The following SGCD variants were observed in gnomAD, a reference collection of about 807,000 sequenced individuals.
SGCD encodes sarcoglycan delta.
SGCD carries 18 observed loss-of-function variants against 36.6 expected under a neutral mutation model. That is an observed-to-expected ratio of 0.49 (90% CI 0.34 to 0.73). The LOEUF is 0.73. SGCD is among the 30% of genes least tolerant of loss of function. The pLI is 0.01. For missense variants in SGCD, 387 were observed against 346.7 expected (o/e 1.12, Z -0.92); for synonymous variants, 133 against 130.6 (o/e 1.02, Z -0.12).
At chr5:156,185,289 A>C (rs185135706) in intron 3 of SGCD, among the ~76,000 whole-genome samples, 80 of 142,302 alleles carry the variant, frequency 5.6e-4, no homozygotes, top group Middle Eastern at 7.6e-3. Flanking sequence ...ATCTCGGCTC[A>C]CTGTAAGCTC....
intron 3 of SGCD, among the ~76,000 whole-genome samples, chr5:156,150,833 T>G (rs1190385515): frequency 6.6e-6 from 1 of 151,622 alleles, no homozygotes; most frequent in African/African-American, 2.4e-5. Context: ...TCCTCAAAGC[T>G]GCTCAGTGGT....
chr5:156,446,147 C>T (rs1753748377), intron 3 of SGCD, among the ~76,000 whole-genome samples: 2 of 152,046 alleles, frequency 1.3e-5, no homozygotes, highest in South Asian at 4.2e-4. Flanking sequence ...CCCACAGAGC[C>T]CCAGGAAATG....
chr5:155,933,459 G>C (rs530307086), intron 1 of SGCD, among the ~76,000 whole-genome samples: 1 of 152,188 alleles, frequency 6.6e-6, no homozygotes, highest in Non-Finnish European at 1.5e-5. Context: ...AGCATACATA[G>C]AGTATCTTGT....
chr5:156,362,843 G>A (rs1255264728), intron 3 of SGCD, among the ~76,000 whole-genome samples: 1 of 152,052 alleles, frequency 6.6e-6, no homozygotes, highest in African/African-American at 2.4e-5. Flanking sequence ...TATCTAATCA[G>A]GGAATTATAG....
In SGCD at chr5:156,524,552, C is replaced by T. The variant is rs536797054; in HGVS notation, c.294+15850C>T. On this transcript the variant is annotated intron_variant, in intron 4 of 8. Coordinates refer to ENST00000337851, the MANE Select transcript of SGCD (RefSeq NM_000337.6). Reference sequence around the variant, plus strand: ...ATGACTAACATAATAAAACCAATAACGTATTCACCACCTCACATAATTGCC... The same window carrying T: ...ATGACTAACATAATAAAACCAATAATGTATTCACCACCTCACATAATTGCC... Among the ~76,000 whole-genome samples the T allele has an allele frequency of 7.9e-5, 12 of 151,676 alleles. No individual in the cohort carries two copies. In the South Asian group the frequency reaches 2.1e-3, roughly 26 times the overall value.
chr5:156,493,220 A>G (rs1456041233), intron 3 of SGCD, among the ~76,000 whole-genome samples: 2 of 152,150 alleles, frequency 1.3e-5, no homozygotes, highest in African/African-American at 2.4e-5. Context: ...GCTAATTAAC[A>G]TATCTATTAC....
intron 1 of SGCD, among the ~76,000 whole-genome samples, chr5:155,900,173 G>A (rs1229423695): frequency 8.6e-5 from 13 of 151,996 alleles, no homozygotes. Context: ...TTTTCCTTTG[G>A]TGTTTAGATT....
intron 3 of SGCD, among the ~76,000 whole-genome samples, chr5:156,231,760 G>A (rs1233644472): frequency 2.0e-5 from 3 of 152,144 alleles, no homozygotes; most frequent in Admixed American, 6.6e-5. Flanking sequence ...CCAAGCTGTA[G>A]ACTTCGTTTT....
At chr5:156,274,571 C>T (rs1766268348) in intron 3 of SGCD, among the ~76,000 whole-genome samples, 1 of 152,098 alleles carries the variant, frequency 6.6e-6, no homozygotes, top group African/African-American at 2.4e-5. Context: ...CCTTTTGCCT[C>T]AGCCTCTAAT....
the SGCD span, among the ~76,000 whole-genome samples, chr5:155,747,138 ATAC>A: frequency 3.3e-5 from 5 of 152,232 alleles, no homozygotes; most frequent in South Asian, 4.1e-4. Context: ...GATAAAAACA[ATAC>A]TACTTTTCTG....
intron 7 of SGCD, among the ~76,000 whole-genome samples, chr5:156,665,232 TG>T (rs1764102800): frequency 6.6e-6 from 1 of 152,136 alleles, no homozygotes; most frequent in Non-Finnish European, 1.5e-5. Context: ...GAAGAGGACT[TG>T]TGCCTCGTGG....
At chr5:155,784,772 G>GA in the SGCD span, among the ~76,000 whole-genome samples, 7 of 151,404 alleles carry the variant, frequency 4.6e-5, no homozygotes, top group East Asian at 3.9e-4. Context: ...TATAAATAAG[G>GA]AAAAAAATGA....
At chr5:156,355,489 A>G (rs1158938265) in intron 3 of SGCD, among the ~76,000 whole-genome samples, 1 of 151,262 alleles carries the variant, frequency 6.6e-6, no homozygotes, top group Non-Finnish European at 1.5e-5. Flanking sequence ...TAGATTTTTC[A>G]TCTTGCCTGG....
At chr5:156,589,371 A>G (rs989934556) in intron 5 of SGCD, 53 bp downstream of exon 5, 6 of 986,820 alleles carry the variant, frequency 6.1e-6, no homozygotes, top group Non-Finnish European at 6.3e-6. Flanking sequence ...CACTCAGAAT[A>G]CAGAATTAAT....
At chr5:155,874,951 A>G (rs1017439949) in intron 1 of SGCD, among the ~76,000 whole-genome samples, 1 of 152,146 alleles carries the variant, frequency 6.6e-6, no homozygotes, top group African/African-American at 2.4e-5. Context: ...TCCACATAAA[A>G]GAACTGTAGA....
At chr5:156,604,912 T>A (rs1342462097) in intron 6 of SGCD, among the ~76,000 whole-genome samples, 1 of 151,142 alleles carries the variant, frequency 6.6e-6, no homozygotes, top group Non-Finnish European at 1.5e-5. Flanking sequence ...ACCACTAATT[T>A]TAGTTGTTAT....
chr5:156,232,536 C>A (rs184390830), intron 3 of SGCD, among the ~76,000 whole-genome samples: 1 of 152,222 alleles, frequency 6.6e-6, no homozygotes, highest in East Asian at 1.9e-4. Context: ...ACTCTGCTTC[C>A]CTGAGAAACT....
At chr5:156,729,241 A>G (rs1401846468) in intron 7 of SGCD, among the ~76,000 whole-genome samples, 1 of 152,204 alleles carries the variant, frequency 6.6e-6, no homozygotes, top group Non-Finnish European at 1.5e-5. Context: ...AATAAAGACT[A>G]GTACACAATT....
At chr5:155,985,716 T>A (rs1005239433) in intron 1 of SGCD, among the ~76,000 whole-genome samples, 3 of 152,158 alleles carry the variant, frequency 2.0e-5, no homozygotes, top group Non-Finnish European at 4.4e-5. Context: ...ACAAAGCTAA[T>A]GAAATTGCAG....
Sources: gnomAD v4.1 joint callset for allele counts (sites outside exome capture counted in the v4.1 genomes callset) on GRCh38, gnomAD v4.1.1 for gene constraint, MANE v1.5 for transcripts, NCBI Gene and HGNC (gene_info 2026-07-23, HGNC 2026-07-21) for gene names.